HIP1: variants seen among roughly 807,000 people sequenced by gnomAD.
HIP1 encodes huntingtin interacting protein 1.
HIP1 carries 65 observed loss-of-function variants against 147.6 expected under a neutral mutation model. The observed-to-expected ratio is 0.44, with a 90% CI of 0.36 to 0.54. The LOEUF (loss-of-function observed/expected upper bound fraction) is 0.54. Ranked by LOEUF, HIP1 falls within the 20% of genes least tolerant of loss-of-function variation. HIP1 has a pLI of 0.00. For missense variants in HIP1, 1,061 were observed against 1,299.6 expected (o/e 0.82, Z 2.82); for synonymous variants, 479 against 504.0 (o/e 0.95, Z 0.67).
chr7:75,557,100 G>A (rs993072334), intron 16 of HIP1, among the ~76,000 whole-genome samples: 4 of 151,714 alleles, frequency 2.6e-5, no homozygotes, highest in Admixed American at 6.6e-5. Flanking sequence ...GTGCAGTGGT[G>A]CAGTCTCAGC....
chr7:75,628,922 C>CA (rs1185027733), intron 1 of HIP1, among the ~76,000 whole-genome samples: 2 of 152,174 alleles, frequency 1.3e-5, no homozygotes, highest in Non-Finnish European at 2.9e-5. Context: ...AGACAATAGC[C>CA]AGGACCCTGG....
chr7:75,700,692 C>G (rs1800797482), intron 1 of HIP1, among the ~76,000 whole-genome samples: 1 of 151,758 alleles, frequency 6.6e-6, no homozygotes, highest in African/African-American at 2.4e-5. Context: ...CCTGGGGTTA[C>G]AGTGACCAGG....
rs781813199 is a variant in HIP1, at chr7:75,592,518, A to C, written c.185-4T>G. 12 of 1,608,196 alleles carry C rather than the reference A, an allele frequency of 7.5e-6. No individual in the cohort carries two copies. Among genetic ancestry groups the C allele is most frequent in the Middle Eastern group, 1.7e-4 (1 of 6,044 alleles). ...TGGTGGGTGCCCAGTATGCACGGTG[A>C]GGGGGGGTTATGGAAAACAACGGAT... On this transcript the variant is annotated splice_polypyrimidine_tract_variant and splice_region_variant and intron_variant, in intron 2 of 30. Coordinates refer to ENST00000336926, the MANE Select transcript of HIP1 (RefSeq NM_005338.7).
At chr7:75,554,391 C>G (rs782043551) in intron 20 of HIP1, 49 bp downstream of exon 20, 7 of 1,502,996 alleles carry the variant, frequency 4.7e-6, no homozygotes, top group African/African-American at 2.8e-5. Flanking sequence ...GCTTCTGAAC[C>G]CTGTCTGGCC....
At chr7:75,639,062 C>T in intron 1 of HIP1, 1 of 984,462 alleles carries the variant, frequency 1.0e-6, no homozygotes. Context: ...ATCTTGCTCA[C>T]ATCCATGACC....
chr7:75,604,917 A>G (rs1554503614), intron 1 of HIP1, among the ~76,000 whole-genome samples: 1 of 152,182 alleles, frequency 6.6e-6, no homozygotes, highest in African/African-American at 2.4e-5. Context: ...GCCACGTAAA[A>G]TAATATACCG....
chr7:75,660,034 A>G (rs1554513366), intron 1 of HIP1, among the ~76,000 whole-genome samples: 1 of 148,028 alleles, frequency 6.8e-6, no homozygotes, highest in Non-Finnish European at 1.5e-5. Context: ...GCTGAGGCGG[A>G]AGAATCGCGT....
chr7:75,736,474 T>C (rs1247874350), intron 1 of HIP1, among the ~76,000 whole-genome samples: 1 of 151,880 alleles, frequency 6.6e-6, no homozygotes, highest in Admixed American at 6.6e-5. Flanking sequence ...CCCAGCACTT[T>C]GGGAGGCAGA....
intron 1 of HIP1, among the ~76,000 whole-genome samples, chr7:75,660,928 G>A (rs189913033): frequency 5.3e-5 from 8 of 152,068 alleles, no homozygotes; most frequent in African/African-American, 1.9e-4. Context: ...CATAGCATCG[G>A]GGAAGGCCTG....
intron 21 of HIP1, among the ~76,000 whole-genome samples, 180 bp downstream of exon 21, chr7:75,553,933 T>G (rs899497408): frequency 6.6e-6 from 1 of 151,518 alleles, no homozygotes; most frequent in East Asian, 1.9e-4. Context: ...TTAGTAGAGA[T>G]GGGGTTTTGC....
In HIP1 at chr7:75,603,343, CAAAA is replaced by C. The variant is rs10546584; in HGVS notation, c.121-4100_121-4097del. Among the ~76,000 whole-genome samples, 95 of 127,542 alleles carry C rather than the reference CAAAA, an allele frequency of 7.4e-4. 1 individual carries two copies. Among genetic ancestry groups the C allele is most frequent in the Admixed American group, 6.6e-3 (81 of 12,352 alleles). 83.7% of individuals were successfully genotyped at this position (127,542 alleles called of 152,430 possible). A position where few individuals can be genotyped will look rare whatever the true frequency, so the allele number is the denominator to read the frequency against. ...AGCCTGGGTGACAGAGCGAGACTCT[CAAAA>C]AAAAAAAAAAAAATGGAGCCTTTCC... On this transcript the variant is annotated intron_variant, in intron 1 of 30. Transcript: ENST00000336926.
intron 16 of HIP1, 108 bp from the exon 17 acceptor site, chr7:75,556,919 G>T: frequency 1.4e-6 from 1 of 699,410 alleles, no homozygotes; most frequent in Admixed American, 2.4e-5. Flanking sequence ...AAACTCTACT[G>T]TATGTAAGTT....
intron 1 of HIP1, among the ~76,000 whole-genome samples, chr7:75,604,679 AGAAG>A (rs587773413): frequency 0.011 from 1,608 of 142,864 alleles, 7 homozygotes; most frequent in African/African-American, 0.021. Context: ...AAAAGAAGGA[AGAAG>A]GAAGGAAGGA....
At chr7:75,637,536 ATTTTTTTT>A (rs869251770) in intron 1 of HIP1, among the ~76,000 whole-genome samples, 1,134 of 70,914 alleles carry the variant, frequency 0.016, 19 homozygotes, top group African/African-American at 0.047. Context: ...TGCAGAGAGG[ATTTTTTTT>A]TTTTTTTTTT....
intron 24 of HIP1, 29 bp from the exon 25 acceptor site, chr7:75,547,061 T>C: frequency 6.6e-7 from 1 of 1,520,924 alleles, no homozygotes; most frequent in Non-Finnish European, 9.0e-7. Flanking sequence ...GAGGATACAC[T>C]GAGATCAAGA....
intron 16 of HIP1, 132 bp from the exon 17 acceptor site, chr7:75,556,943 A>G: frequency 1.8e-6 from 1 of 570,816 alleles, no homozygotes; most frequent in South Asian, 2.2e-5. Context: ...CCCCCCCAAA[A>G]AAGTGCAGGG....
intron 1 of HIP1, among the ~76,000 whole-genome samples, chr7:75,653,792 G>A (rs962432479): frequency 2.0e-5 from 3 of 152,138 alleles, no homozygotes; most frequent in Admixed American, 6.5e-5. Flanking sequence ...CTGAGTGATC[G>A]CTGGGGCCAA....
At chr7:75,698,764 G>A (rs964942707) in intron 1 of HIP1, among the ~76,000 whole-genome samples, 5 of 151,768 alleles carry the variant, frequency 3.3e-5, no homozygotes, top group Admixed American at 6.6e-5. Flanking sequence ...AGGCTGCAGT[G>A]AGCTATGATC....
intron 9 of HIP1, among the ~76,000 whole-genome samples, chr7:75,564,787 G>T (rs1795347743): frequency 6.6e-6 from 1 of 151,788 alleles, no homozygotes; most frequent in Non-Finnish European, 1.5e-5. Flanking sequence ...TGATAAAGAT[G>T]GGGTCTCTCT....
Sources: gnomAD v4.1 joint callset for allele counts (sites outside exome capture counted in the v4.1 genomes callset) on GRCh38, gnomAD v4.1.1 for gene constraint, MANE v1.5 for transcripts, NCBI Gene and HGNC (gene_info 2026-07-23, HGNC 2026-07-21) for gene names.